The following ZNF644 variants were observed in gnomAD, a reference collection of about 807,000 sequenced individuals.
ZNF644 encodes zinc finger motif enhancer binding protein 2.
A neutral mutation model predicts 108.0 loss-of-function variants in ZNF644; 20 were observed. The observed-to-expected ratio is 0.19, with a 90% CI of 0.13 to 0.27. The LOEUF (loss-of-function observed/expected upper bound fraction) is 0.27. Among genes scored for constraint, ZNF644 ranks in the 10% least tolerant of loss-of-function variants. ZNF644 has a pLI of 1.00. For synonymous variants in ZNF644, 542 were observed against 539.1 expected (o/e 1.01, Z -0.08); for missense variants, 1,338 against 1,548.9 (o/e 0.86, Z 2.29).
chr1:90,982,166 G>GT, intron 2 of ZNF644, 144 bp downstream of exon 2: 4 of 637,484 alleles, frequency 6.3e-6, no homozygotes, highest in Admixed American at 2.5e-5. Context: ...TGGACCAAGT[G>GT]TGTCAAAAAG....
chr1:90,956,799 C>A (rs1047425022), intron 2 of ZNF644, among the ~76,000 whole-genome samples: 11 of 152,200 alleles, frequency 7.2e-5, no homozygotes, highest in Middle Eastern at 3.4e-3. Flanking sequence ...CCAGCCTGGA[C>A]AACAGACTCT....
rs199600965 is a variant in ZNF644, at chr1:90,940,840, G to A, written c.514C>T (p.His172Tyr). The A allele has an allele frequency of 6.2e-7, 1 of 1,614,004 alleles. No homozygotes were observed. The highest frequency in any genetic ancestry group is 2.2e-5 in the East Asian group (1 of 44,878). Residue 172 changes from histidine (H) to tyrosine (Y), a missense_variant, in exon 3 of 6, where the codon CAC becomes TAC. By Grantham distance (83) the His-to-Tyr change is moderately conservative. This residue lies in a region of ZNF644 where 464 missense variants were observed against 457.9 expected (regional missense o/e 1.01). Coordinates refer to ENST00000337393, the MANE Select transcript of ZNF644 (RefSeq NM_201269.3). ...QLSTPQKASQ[H>Y]QVLFLLSDVA... Reference sequence around the variant, plus strand: ...TCTGATAACAAAAATAAAACTTGGTGTTGACTTGCTTTCTGTGGTGTAGAC... The same window carrying A: ...TCTGATAACAAAAATAAAACTTGGTATTGACTTGCTTTCTGTGGTGTAGAC...
At chr1:91,020,347 C>G (rs1363840643) in intron 1 of ZNF644, 1 of 152,112 alleles carries the variant, frequency 6.6e-6, no homozygotes, top group East Asian at 1.9e-4. Context: ...ATCCCTCCAA[C>G]CAAGGAATTC....
chr1:90,954,396 C>T (rs948537871), intron 2 of ZNF644, among the ~76,000 whole-genome samples: 2 of 151,764 alleles, frequency 1.3e-5, no homozygotes, highest in African/African-American at 4.8e-5. Context: ...AATTCAGTTA[C>T]ATCTTCAGGT....
intron 1 of ZNF644, among the ~76,000 whole-genome samples, chr1:91,013,443 T>C: frequency 1.1e-5 from 1 of 88,990 alleles, no homozygotes; most frequent in African/African-American, 3.6e-5. Flanking sequence ...ATATTTCCAA[T>C]CTCTCTCTCA....
At chr1:90,984,381 G>A (rs1656875065) in intron 1 of ZNF644, among the ~76,000 whole-genome samples, 1 of 151,760 alleles carries the variant, frequency 6.6e-6, no homozygotes, top group African/African-American at 2.4e-5. Context: ...GAGCCTTTCA[G>A]GAATCAAGTT....
chr1:90,999,385 AT>A (rs1271579535), intron 1 of ZNF644, among the ~76,000 whole-genome samples: 16 of 152,362 alleles, frequency 1.1e-4, no homozygotes, highest in Admixed American at 2.0e-4. Context: ...GGTGGCAAAT[AT>A]TCAACATTCT....
At chr1:90,965,368 T>A (rs532327570) in intron 2 of ZNF644, among the ~76,000 whole-genome samples, 165 of 152,270 alleles carry the variant, frequency 1.1e-3, no homozygotes, top group Non-Finnish European at 1.8e-3. Context: ...TGTCTCGGTA[T>A]CCAAATTTCT....
intron 4 of ZNF644, among the ~76,000 whole-genome samples, chr1:90,936,953 T>C (rs1372435394): frequency 6.6e-6 from 1 of 152,130 alleles, no homozygotes. Flanking sequence ...CAATGAGGAA[T>C]TGGAGAGGGA....
chr1:90,985,297 C>T (rs970388545), intron 1 of ZNF644, among the ~76,000 whole-genome samples: 3 of 152,146 alleles, frequency 2.0e-5, no homozygotes, highest in African/African-American at 7.2e-5. Context: ...CATCACCTCA[C>T]ACTTATTTTT....
At position 90,929,373 on chromosome 1, in the gene ZNF644, C is replaced by T. The variant is rs1167777309; in HGVS notation, c.3688+8112G>A. On this transcript the variant is annotated intron_variant, in intron 4 of 5. Coordinates refer to ENST00000337393, the MANE Select transcript of ZNF644 (RefSeq NM_201269.3). ...TTTCTCTGACAGCAGAGACATGTCT[C>T]ATACTTTTCACATACCCTCCTCAGC... 2.0e-5 allele frequency among the ~76,000 whole-genome samples: 3 copies of T among 152,178 alleles called. No individual in the cohort carries two copies. The East Asian group carries it at 5.8e-4, about 29-fold the overall frequency.
chr1:90,957,163 C>T (rs897690409), intron 2 of ZNF644, among the ~76,000 whole-genome samples: 2 of 151,948 alleles, frequency 1.3e-5, no homozygotes, highest in East Asian at 1.9e-4. Flanking sequence ...TAATCAAAAA[C>T]CTCCCCAAAT....
intron 2 of ZNF644, among the ~76,000 whole-genome samples, chr1:90,941,729 G>T (rs1209812639): frequency 2.0e-5 from 3 of 152,078 alleles, no homozygotes; most frequent in Non-Finnish European, 4.4e-5. Flanking sequence ...TTTATCAGAG[G>T]TAGTCACTCT....
At chr1:91,008,731 T>A (rs1415884549) in intron 1 of ZNF644, among the ~76,000 whole-genome samples, 1 of 152,172 alleles carries the variant, frequency 6.6e-6, no homozygotes, top group African/African-American at 2.4e-5. Flanking sequence ...TTGGACAAAG[T>A]CAAATATACC....
chr1:90,926,106 C>T (rs1177979962), intron 4 of ZNF644, among the ~76,000 whole-genome samples: 1 of 152,206 alleles, frequency 6.6e-6, no homozygotes, highest in East Asian at 1.9e-4. Context: ...AGAAGCCAGA[C>T]TCCACTCTGT....
At chr1:91,018,209 G>A (rs1660594889) in intron 1 of ZNF644, among the ~76,000 whole-genome samples, 1 of 152,162 alleles carries the variant, frequency 6.6e-6, no homozygotes, top group Non-Finnish European at 1.5e-5. Flanking sequence ...AGCAGGGTGA[G>A]CTAGTGCTAG....
intron 1 of ZNF644, among the ~76,000 whole-genome samples, chr1:90,995,381 A>T (rs1242095194): frequency 1.3e-5 from 2 of 152,168 alleles, no homozygotes; most frequent in Non-Finnish European, 2.9e-5. Context: ...AAATAAACAT[A>T]TCCTAAGAGA....
chr1:91,012,253 A>C (rs911173620), intron 1 of ZNF644, among the ~76,000 whole-genome samples: 2 of 151,816 alleles, frequency 1.3e-5, no homozygotes, highest in Admixed American at 6.6e-5. Context: ...TGCCATAAGA[A>C]GTTTAGAAAC....
intron 2 of ZNF644, among the ~76,000 whole-genome samples, chr1:90,955,249 A>T (rs1653637510): frequency 6.6e-6 from 1 of 152,228 alleles, no homozygotes; most frequent in Non-Finnish European, 1.5e-5. Flanking sequence ...GCACAGGTAG[A>T]GATTTCGTAT....
Sources: allele counts gnomAD v4.1 joint callset (sites outside exome capture counted in the v4.1 genomes callset), GRCh38; gene constraint gnomAD v4.1.1; regional missense constraint gnomAD v4.1.1; transcripts MANE v1.5; gene names NCBI Gene and HGNC (gene_info 2026-07-23, HGNC 2026-07-21).